FBXL7: variants seen among roughly 807,000 people sequenced by gnomAD.
FBXL7 encodes F-box and leucine rich repeat protein 7.
A neutral mutation model predicts 38.3 loss-of-function variants in FBXL7; 12 were observed. That is an observed-to-expected ratio of 0.31 (90% confidence interval 0.20 to 0.51). The LOEUF is 0.51. Among genes scored for constraint, FBXL7 ranks in the 20% least tolerant of loss-of-function variants. The pLI is 0.98. For missense variants in FBXL7, 567 were observed against 676.4 expected, an observed-to-expected ratio of 0.84 and a Z score of 1.79; for synonymous variants, 297 against 300.9, an observed-to-expected ratio of 0.99 and a Z score of 0.13.
chr5:15,885,355 A>T (rs1740633131), intron 2 of FBXL7, among the ~76,000 whole-genome samples: 1 of 152,220 alleles, frequency 6.6e-6, no homozygotes, highest in African/African-American at 2.4e-5. Context: ...GTCATCTTTC[A>T]TAATCTAACC....
chr5:15,827,721 A>G (rs1164431298), intron 2 of FBXL7, among the ~76,000 whole-genome samples: 3 of 152,206 alleles, frequency 2.0e-5, no homozygotes, highest in Non-Finnish European at 4.4e-5. Context: ...TCCCTATACC[A>G]TTATAATGGC....
chr5:15,776,940 T>G (rs1298198570), intron 2 of FBXL7, among the ~76,000 whole-genome samples: 2 of 152,176 alleles, frequency 1.3e-5, no homozygotes, highest in Non-Finnish European at 2.9e-5. Flanking sequence ...ACACTGTGAT[T>G]ACATATGTAT....
chr5:15,582,756 C>T (rs1195901447), intron 1 of FBXL7, among the ~76,000 whole-genome samples: 1 of 152,224 alleles, frequency 6.6e-6, no homozygotes, highest in East Asian at 1.9e-4. Flanking sequence ...AATTGCCCTT[C>T]ATTTCCATAC....
At chr5:15,519,318 G>C (rs1256666310) in intron 1 of FBXL7, among the ~76,000 whole-genome samples, 1 of 152,052 alleles carries the variant, frequency 6.6e-6, no homozygotes, top group Non-Finnish European at 1.5e-5. Flanking sequence ...ACTCCAGCCT[G>C]GGTGACAGAG....
intron 1 of FBXL7, among the ~76,000 whole-genome samples, chr5:15,529,317 A>C (rs1021930742): frequency 1.3e-5 from 2 of 152,166 alleles, no homozygotes; most frequent in African/African-American, 4.8e-5. Context: ...TCGTCCATCC[A>C]ATGATAGATA....
At chr5:15,867,183 A>G (rs1739752437) in intron 2 of FBXL7, among the ~76,000 whole-genome samples, 1 of 152,204 alleles carries the variant, frequency 6.6e-6, no homozygotes, top group African/African-American at 2.4e-5. Context: ...CAGACTTGGA[A>G]TCACTCACAG....
intron 2 of FBXL7, among the ~76,000 whole-genome samples, chr5:15,856,677 AT>A (rs1468457832): frequency 2.0e-4 from 31 of 152,102 alleles, no homozygotes; most frequent in African/African-American, 7.2e-4. Flanking sequence ...TTTTCTGTCC[AT>A]ATTCTAAGAT....
intron 2 of FBXL7, among the ~76,000 whole-genome samples, chr5:15,759,410 C>A (rs1432968451): frequency 2.0e-5 from 3 of 151,896 alleles, no homozygotes; most frequent in African/African-American, 7.3e-5. Flanking sequence ...CATTTTTCCT[C>A]TTTTTTAGAT....
chr5:15,885,262 G>A (rs940503892), intron 2 of FBXL7, among the ~76,000 whole-genome samples: 16 of 152,338 alleles, frequency 1.1e-4, no homozygotes, highest in Admixed American at 3.9e-4. Context: ...CCTCTCCACA[G>A]GGCAGGTTCC....
chr5:15,777,720 TAAAAAAAAAAAA>T (rs371293320), intron 2 of FBXL7, among the ~76,000 whole-genome samples: 14 of 82,526 alleles, frequency 1.7e-4, no homozygotes, highest in South Asian at 4.1e-4. Context: ...CCTATTCTGG[TAAAAAAAAAAAA>T]AAAAAAAAAA....
chr5:15,615,468 A>G (rs542265457), intron 1 of FBXL7, among the ~76,000 whole-genome samples: 3 of 152,330 alleles, frequency 2.0e-5, no homozygotes, highest in African/African-American at 7.2e-5. Flanking sequence ...CTGCATTCGA[A>G]AAATGAAATG....
At chr5:15,569,096 C>T (rs1437370395) in intron 1 of FBXL7, among the ~76,000 whole-genome samples, 3 of 152,080 alleles carry the variant, frequency 2.0e-5, no homozygotes, top group Admixed American at 6.6e-5. Flanking sequence ...TCCATATAAA[C>T]TTTAAAGTAG....
chr5:15,879,075 C>T (rs1251209402), intron 2 of FBXL7, among the ~76,000 whole-genome samples: 1 of 152,170 alleles, frequency 6.6e-6, no homozygotes, highest in Non-Finnish European at 1.5e-5. Context: ...TGTTTTCTTT[C>T]TCAAGAATTA....
At chr5:15,844,671 AAG>A (rs1423111051) in intron 2 of FBXL7, among the ~76,000 whole-genome samples, 1 of 152,192 alleles carries the variant, frequency 6.6e-6, no homozygotes, top group Admixed American at 6.5e-5. Flanking sequence ...ACTCAAACCC[AAG>A]AGGAGGATAC....
At chr5:15,765,909 T>A (rs1736574063) in intron 2 of FBXL7, among the ~76,000 whole-genome samples, 1 of 152,148 alleles carries the variant, frequency 6.6e-6, no homozygotes, top group Non-Finnish European at 1.5e-5. Flanking sequence ...CCAGCCTCTC[T>A]CACGTGACCA....
At chr5:15,516,829 T>G (rs1008983893) in intron 1 of FBXL7, among the ~76,000 whole-genome samples, 2 of 151,994 alleles carry the variant, frequency 1.3e-5, no homozygotes, top group African/African-American at 4.8e-5. Flanking sequence ...GCTGCTGCCA[T>G]GTGAGGAAGG....
At chr5:15,500,829 C>A in intron 1 of FBXL7, 116 bp downstream of exon 1, 5 of 1,301,318 alleles carry the variant, frequency 3.8e-6, no homozygotes, top group Non-Finnish European at 4.3e-6. Flanking sequence ...CCATTTGGCA[C>A]CCTGTCTGGG....
At chr5:15,677,908 A>C (rs1004139342) in intron 2 of FBXL7, among the ~76,000 whole-genome samples, 1 of 152,182 alleles carries the variant, frequency 6.6e-6, no homozygotes, top group African/African-American at 2.4e-5. Context: ...TGTCCTAAAA[A>C]AGGTGACACC....
intron 2 of FBXL7, among the ~76,000 whole-genome samples, chr5:15,709,105 C>T (rs762952463): frequency 1.3e-5 from 2 of 152,138 alleles, no homozygotes; most frequent in South Asian, 2.1e-4. Flanking sequence ...TCACTGAAAA[C>T]AGGAGCATCT....
Sources: allele counts gnomAD v4.1 joint callset (sites outside exome capture counted in the v4.1 genomes callset), GRCh38; gene constraint gnomAD v4.1.1; transcripts MANE v1.5; gene names NCBI Gene and HGNC (gene_info 2026-07-23, HGNC 2026-07-21).